The following KSR1 variants were observed in gnomAD, a reference collection of about 807,000 sequenced individuals.
KSR1 encodes the protein kinase suppressor of ras.
In KSR1, 35 loss-of-function variants were observed where a neutral mutation model predicts 92.9. The observed-to-expected ratio is 0.38, with a 90% CI of 0.29 to 0.50. KSR1 has a LOEUF of 0.50. Among genes scored for constraint, KSR1 ranks in the 20% least tolerant of loss-of-function variants. KSR1 has a pLI of 0.94. For synonymous variants in KSR1, 467 were observed against 472.6 expected, an observed-to-expected ratio of 0.99 and a Z score of 0.15; for missense variants, 972 against 1,158.5, an observed-to-expected ratio of 0.84 and a Z score of 2.34.
chr17:27,528,945 C>A (rs1226766693), intron 1 of KSR1, among the ~76,000 whole-genome samples: 2 of 152,036 alleles, frequency 1.3e-5, no homozygotes, highest in African/African-American at 4.8e-5. Context: ...ACAAAACTTA[C>A]ACCACCTGTT....
chr17:27,610,958 G>T (rs2073897661), intron 17 of KSR1, among the ~76,000 whole-genome samples: 1 of 152,154 alleles, frequency 6.6e-6, no homozygotes, highest in Non-Finnish European at 1.5e-5. Flanking sequence ...CCCATCCCAA[G>T]TGAAGAAAGC....
chr17:27,601,486 G>A (rs1449892055), intron 11 of KSR1, 85 bp downstream of exon 11: 1 of 1,149,674 alleles, frequency 8.7e-7, no homozygotes, highest in Non-Finnish European at 1.3e-6. Flanking sequence ...CCTCTCTCTG[G>A]GTACCTTTGG....
chr17:27,541,929 T>C (rs2070981921), intron 1 of KSR1, among the ~76,000 whole-genome samples: 2 of 152,248 alleles, frequency 1.3e-5, no homozygotes, highest in African/African-American at 4.8e-5. Flanking sequence ...GTGAGCCCAG[T>C]GTGCTGTCCA....
intron 2 of KSR1, among the ~76,000 whole-genome samples, chr17:27,574,434 T>C (rs2072427863): frequency 7.5e-6 from 1 of 132,754 alleles, no homozygotes; most frequent in Non-Finnish European, 1.6e-5. Flanking sequence ...GGTACAGTTA[T>C]GTGTCTGGCT....
chr17:27,599,837 T>G (rs531981377), intron 10 of KSR1, among the ~76,000 whole-genome samples: 70 of 152,294 alleles, frequency 4.6e-4, no homozygotes, highest in Admixed American at 7.8e-4. Context: ...TGAATTTTTA[T>G]AAGCTTTTTT....
At chr17:27,574,249 G>A (rs2072421492) in intron 2 of KSR1, among the ~76,000 whole-genome samples, 4 of 152,254 alleles carry the variant, frequency 2.6e-5, no homozygotes. Context: ...TTCAGTGGAA[G>A]ACAGGCTAAG....
intron 1 of KSR1, among the ~76,000 whole-genome samples, chr17:27,505,328 C>T (rs1416434187): frequency 2.0e-5 from 3 of 152,192 alleles, no homozygotes; most frequent in African/African-American, 7.2e-5. Context: ...CCCCCAGGGT[C>T]CACAGGCCTG....
intron 10 of KSR1, among the ~76,000 whole-genome samples, chr17:27,600,624 C>T (rs141044515): frequency 6.6e-6 from 1 of 152,292 alleles, no homozygotes; most frequent in Non-Finnish European, 1.5e-5. Context: ...AGCGTCACCA[C>T]AGACACGTGA....
At chr17:27,544,659 G>A (rs1333387198) in intron 1 of KSR1, among the ~76,000 whole-genome samples, 3 of 152,230 alleles carry the variant, frequency 2.0e-5, no homozygotes, top group East Asian at 1.9e-4. Context: ...GGCCAGAGAC[G>A]TAATGACTCT....
intron 19 of KSR1, 28 bp from the exon 20 acceptor site, chr17:27,621,165 T>G: frequency 2.5e-6 from 1 of 398,632 alleles, no homozygotes; most frequent in Non-Finnish European, 4.4e-6. Flanking sequence ...TTCCCACGCC[T>G]GGTGGAATGG....
intron 2 of KSR1, among the ~76,000 whole-genome samples, chr17:27,555,702 CTG>C (rs936766262): frequency 7.9e-5 from 12 of 152,312 alleles, no homozygotes; most frequent in Admixed American, 2.6e-4. Flanking sequence ...TTTTTTAAAA[CTG>C]TGGTGAAATA....
At chr17:27,588,818 G>A (rs1218948976) in intron 6 of KSR1, among the ~76,000 whole-genome samples, 1 of 152,182 alleles carries the variant, frequency 6.6e-6, no homozygotes, top group African/African-American at 2.4e-5. Context: ...GGAGAAATAA[G>A]GTCAGGGTCA....
intron 9 of KSR1, among the ~76,000 whole-genome samples, chr17:27,594,297 G>A (rs954453625): frequency 6.6e-5 from 10 of 152,204 alleles, no homozygotes; most frequent in Middle Eastern, 3.4e-3. Flanking sequence ...TTCCCAGCCC[G>A]TCACAGATAG....
intron 16 of KSR1, 195 bp from the exon 17 acceptor site, chr17:27,609,872 G>A (rs1045697822): frequency 2.3e-5 from 13 of 574,654 alleles, no homozygotes; most frequent in Middle Eastern, 4.9e-4. Context: ...AGAAACAACC[G>A]GTCATGACTC....
intron 1 of KSR1, among the ~76,000 whole-genome samples, chr17:27,491,524 A>G (rs2068831812): frequency 6.6e-6 from 1 of 152,132 alleles, no homozygotes; most frequent in Admixed American, 6.5e-5. Flanking sequence ...TTTAGGAACC[A>G]GCTGGGAAGG....
chr17:27,611,646 C>G lies in KSR1; in HGVS notation c.2493+17C>G. ...GAAGTCAGTGTAAGTAGTACCTGCC[C>G]TGGGTGGAGCAGTAGGGCTGGAGGT... is the stretch of plus-strand genomic sequence containing the variant. On this transcript the variant is annotated intron_variant, in intron 18 of 20. Coordinates refer to ENST00000644974, the MANE Select transcript of KSR1 (RefSeq NM_001394583.1). 3 of 1,613,562 alleles carry G rather than the reference C, an allele frequency of 1.9e-6. No homozygotes were observed. Among genetic ancestry groups the G allele is most frequent in the Non-Finnish European group, 2.5e-6 (3 of 1,179,678 alleles).
At chr17:27,599,433 T>G (rs1488295331) in intron 10 of KSR1, among the ~76,000 whole-genome samples, 1 of 152,312 alleles carries the variant, frequency 6.6e-6, no homozygotes, top group East Asian at 1.9e-4. Context: ...GGCACATACC[T>G]GTAGTCCCAG....
chr17:27,487,959 C>T (rs374256820), intron 1 of KSR1, among the ~76,000 whole-genome samples: 1 of 152,170 alleles, frequency 6.6e-6, no homozygotes, highest in Non-Finnish European at 1.5e-5. Context: ...CAGCCACCTT[C>T]CACCAGACAA....
chr17:27,577,338 T>A lies in KSR1; in HGVS notation c.373-154T>A, dbSNP rs1267943220. ...CTGGAGGGTGGGGGCCAGGGAGCTC[T>A]GCTTGTGTCCCCAAGCACGTGGTGG... is the stretch of plus-strand genomic sequence containing the variant. On this transcript the variant is annotated intron_variant, in intron 2 of 20. Transcript: ENST00000644974. This position sits in a 1 kb window ranked among gnomAD's most constrained non-coding sequence, Gnocchi z 4.5. 2.2e-5 allele frequency: 13 copies of A among 588,068 alleles called. No homozygotes were observed. The South Asian group carries it at 2.6e-4, about 12-fold the overall frequency. The allele number at this position is 588,068 out of a possible 1,614,324, so 36.4% of individuals were successfully genotyped here. A position where few individuals can be genotyped will look rare whatever the true frequency, so the allele number is the denominator to read the frequency against.
Sources: allele counts gnomAD v4.1 joint callset (sites outside exome capture counted in the v4.1 genomes callset), GRCh38; gene constraint gnomAD v4.1.1; non-coding constraint Gnocchi (gnomAD v3.1); transcripts MANE v1.5; gene names NCBI Gene and HGNC (gene_info 2026-07-23, HGNC 2026-07-21).